The following RAP1GAP2 variants were observed in gnomAD, a reference collection of about 807,000 sequenced individuals.
RAP1GAP2 encodes RAP1 GTPase activating protein 2.
A neutral mutation model predicts 95.0 loss-of-function variants in RAP1GAP2; 27 were observed. The ratio of observed to expected loss-of-function variants is 0.28; its 90% CI spans 0.21 to 0.39. The LOEUF (loss-of-function observed/expected upper bound fraction) is 0.39, where lower values mean the gene tolerates loss of function less well. Among genes scored for constraint, RAP1GAP2 ranks in the 10% least tolerant of loss-of-function variants. The pLI is 1.00. For synonymous variants in RAP1GAP2, 373 were observed against 380.9 expected (o/e 0.98, Z 0.24); for missense variants, 771 against 970.0 (o/e 0.79, Z 2.72).
intron 1 of RAP1GAP2, among the ~76,000 whole-genome samples, chr17:2,762,472 A>G (rs1274921172): frequency 6.9e-6 from 1 of 145,448 alleles, no homozygotes; most frequent in Non-Finnish European, 1.5e-5. Context: ...ATCTCGGCTC[A>G]CTGCAACCTC....
intron 17 of RAP1GAP2, among the ~76,000 whole-genome samples, chr17:3,012,626 A>C (rs1206300549): frequency 4.0e-5 from 6 of 151,036 alleles, no homozygotes; most frequent in South Asian, 2.1e-4. Context: ...AAAAAAAAAA[A>C]AAAAACAAAC....
intron 2 of RAP1GAP2, among the ~76,000 whole-genome samples, chr17:2,812,645 G>A (rs968939903): frequency 4.8e-4 from 73 of 152,020 alleles, no homozygotes; most frequent in African/African-American, 1.7e-3. Flanking sequence ...CCCCAGGACG[G>A]TGGTTCTCAA....
chr17:2,917,258 C>T (rs557613679), intron 3 of RAP1GAP2, among the ~76,000 whole-genome samples: 1 of 152,168 alleles, frequency 6.6e-6, no homozygotes, highest in African/African-American at 2.4e-5. Flanking sequence ...AAGGCTTCCC[C>T]ACTTCTTCTT....
intron 2 of RAP1GAP2, among the ~76,000 whole-genome samples, chr17:2,895,004 T>C (rs997048517): frequency 1.1e-4 from 16 of 152,114 alleles, no homozygotes; most frequent in South Asian, 2.1e-4. Context: ...GGGTTCAGCA[T>C]GCGGCACCTT....
At chr17:3,002,368 G>A (rs540435716) in intron 14 of RAP1GAP2, among the ~76,000 whole-genome samples, 1 of 152,290 alleles carries the variant, frequency 6.6e-6, no homozygotes, top group East Asian at 1.9e-4. Flanking sequence ...TACCTTGATC[G>A]TGCACTCCAC....
intron 17 of RAP1GAP2, among the ~76,000 whole-genome samples, chr17:3,013,900 T>A (rs1209799381): frequency 3.3e-5 from 5 of 152,158 alleles, no homozygotes; most frequent in Non-Finnish European, 7.4e-5. Flanking sequence ...ATTCAATAGA[T>A]CTTGTATGTG....
intron 2 of RAP1GAP2, among the ~76,000 whole-genome samples, chr17:2,876,394 G>A (rs1014123628): frequency 1.3e-5 from 2 of 152,170 alleles, no homozygotes; most frequent in African/African-American, 4.8e-5. Context: ...TTAGGGAGAC[G>A]TGAGACATCA....
chr17:2,757,099 A>C (rs2071162583), intron 1 of RAP1GAP2, among the ~76,000 whole-genome samples: 1 of 152,142 alleles, frequency 6.6e-6, no homozygotes, highest in Non-Finnish European at 1.5e-5. Flanking sequence ...AAACCAGATA[A>C]AAGTAGAATT....
chr17:2,986,658 T>G (rs1413269335), intron 11 of RAP1GAP2, among the ~76,000 whole-genome samples: 2 of 152,048 alleles, frequency 1.3e-5, no homozygotes, highest in Non-Finnish European at 2.9e-5. Context: ...TGGGTATAAA[T>G]GAGCCTCACC....
At chr17:2,886,653 C>A (rs2073515316) in intron 2 of RAP1GAP2, among the ~76,000 whole-genome samples, 1 of 152,126 alleles carries the variant, frequency 6.6e-6, no homozygotes, top group African/African-American at 2.4e-5. Context: ...AGGCGCTTTC[C>A]CACGCAGCTT....
At chr17:2,853,536 G>A (rs1054177925) in intron 2 of RAP1GAP2, among the ~76,000 whole-genome samples, 3 of 150,960 alleles carry the variant, frequency 2.0e-5, no homozygotes, top group African/African-American at 7.3e-5. Flanking sequence ...GGCCGGGGCC[G>A]GGGAGGGCGC....
At chr17:2,868,479 G>A (rs2072708181) in intron 2 of RAP1GAP2, among the ~76,000 whole-genome samples, 2 of 151,610 alleles carry the variant, frequency 1.3e-5, no homozygotes, top group South Asian at 4.2e-4. Flanking sequence ...ATGTGTGTAG[G>A]CAAAAATCTT....
chr17:2,968,168 TAAGA>T (rs1277624259), intron 8 of RAP1GAP2, among the ~76,000 whole-genome samples: 2 of 152,016 alleles, frequency 1.3e-5, no homozygotes, highest in Admixed American at 6.6e-5. Flanking sequence ...AAATACACAC[TAAGA>T]AAGAAAAGAT....
intron 17 of RAP1GAP2, among the ~76,000 whole-genome samples, chr17:3,011,609 G>GTTTTTT: frequency 9.1e-6 from 1 of 109,666 alleles, no homozygotes. Context: ...TCCTGTCAAA[G>GTTTTTT]TTTTTTTTTT....
At chr17:2,813,608 C>T (rs887189614) in intron 2 of RAP1GAP2, among the ~76,000 whole-genome samples, 1 of 152,156 alleles carries the variant, frequency 6.6e-6, no homozygotes, top group Non-Finnish European at 1.5e-5. Flanking sequence ...TAGGGTGTTG[C>T]GCAGCCTCTC....
intron 3 of RAP1GAP2, among the ~76,000 whole-genome samples, chr17:2,931,813 C>G (rs2043166014): frequency 6.6e-6 from 1 of 152,162 alleles, no homozygotes; most frequent in South Asian, 2.1e-4. Context: ...GAGGCTGGCG[C>G]CTTGCTCAGC....
chr17:2,811,094 T>C (rs924399524), intron 2 of RAP1GAP2, among the ~76,000 whole-genome samples: 1 of 152,174 alleles, frequency 6.6e-6, no homozygotes, highest in African/African-American at 2.4e-5. Context: ...CTAAGAGCCC[T>C]GCAGACACTG....
chr17:3,010,257 G>A (rs1020956046), intron 17 of RAP1GAP2, among the ~76,000 whole-genome samples: 47 of 148,740 alleles, frequency 3.2e-4, no homozygotes, highest in African/African-American at 1.1e-3. Context: ...GGAGAATCAC[G>A]TGAACCCGGG....
chr17:3,028,107 TG>T (rs772268304), intron 22 of RAP1GAP2, among the ~76,000 whole-genome samples: 1 of 151,794 alleles, frequency 6.6e-6, no homozygotes, highest in Non-Finnish European at 1.5e-5. Flanking sequence ...TCACCAAGCC[TG>T]TCTGTGCCTC....
Sources: allele counts gnomAD v4.1 joint callset (sites outside exome capture counted in the v4.1 genomes callset), GRCh38; gene constraint gnomAD v4.1.1; transcripts MANE v1.5; gene names NCBI Gene and HGNC (gene_info 2026-07-23, HGNC 2026-07-21).